SYNE2: variants seen among roughly 807,000 people sequenced by gnomAD.
SYNE2 encodes nesprin-2.
Under a neutral mutation model 856.3 loss-of-function variants are expected in SYNE2, and 431 were observed. The ratio of observed to expected loss-of-function variants is 0.50; its 90% confidence interval spans 0.47 to 0.55. The LOEUF is 0.55. Ranked by LOEUF, SYNE2 falls within the 20% of genes least tolerant of loss-of-function variation. The pLI is 0.00. For synonymous variants in SYNE2, 2,923 were observed against 2,872.3 expected, an observed-to-expected ratio of 1.02 and a Z score of -0.56; for missense variants, 8,129 against 8,023.2, an observed-to-expected ratio of 1.01 and a Z score of -0.50.
At chr14:64,207,316 T>C (rs749409553) in intron 100 of SYNE2, among the ~76,000 whole-genome samples, 1 of 152,208 alleles carries the variant, frequency 6.6e-6, no homozygotes, top group Non-Finnish European at 1.5e-5. Context: ...GGCTCACCCC[T>C]GTAATCCCAG....
chr14:64,167,314 G>A lies in SYNE2; in HGVS notation c.16687G>A (p.Val5563Ile), dbSNP rs756909587. 18 of 1,614,210 alleles carry A rather than the reference G, an allele frequency of 1.1e-5. No individual in the cohort carries two copies. The highest frequency in any genetic ancestry group is 1.4e-5 in the Non-Finnish European group (16 of 1,180,032). Residue 5563 changes from valine to isoleucine, a missense_variant, in exon 91 of 116, where the codon GTA (valine) becomes ATA (isoleucine). Physicochemically the swap from Val to Ile is conservative, Grantham distance 29. Coordinates refer to ENST00000555002, the MANE Select transcript of SYNE2 (RefSeq NM_182914.3). ...EVSLKLPLSD[V>I]AVKTLQNMNR... ...GAGCCTCAAGCTCCCACTTAGTGAC[G>A]TAGCTGTGAAGACGTTACAAAATAT...
chr14:63,765,167 A>T (rs1169769319), intron 1 of SYNE2, among the ~76,000 whole-genome samples: 2 of 152,118 alleles, frequency 1.3e-5, no homozygotes, highest in African/African-American at 4.8e-5. Flanking sequence ...ACCATGACTA[A>T]GCCCAGGGGT....
chr14:63,813,358 T>C (rs1195846183), intron 1 of SYNE2, among the ~76,000 whole-genome samples: 1 of 152,218 alleles, frequency 6.6e-6, no homozygotes, highest in Admixed American at 6.5e-5. Flanking sequence ...GCCCTGTTCA[T>C]TGTCTTTGAG....
chr14:63,886,261 C>G (rs2094982755), intron 1 of SYNE2, among the ~76,000 whole-genome samples: 1 of 152,142 alleles, frequency 6.6e-6, no homozygotes, highest in Non-Finnish European at 1.5e-5. Context: ...AGTGAGGACC[C>G]TAATGTACCA....
intron 2 of SYNE2, among the ~76,000 whole-genome samples, chr14:63,921,270 G>C (rs185507762): frequency 6.6e-6 from 1 of 152,098 alleles, no homozygotes; most frequent in African/African-American, 2.4e-5. Flanking sequence ...TGTTGAGTTC[G>C]AGATGTCTAT....
At chr14:64,140,173 G>A (rs1440714112) in intron 80 of SYNE2, 100 bp downstream of exon 80, 2 of 1,242,552 alleles carry the variant, frequency 1.6e-6, no homozygotes, top group Non-Finnish European at 2.3e-6. Context: ...TTTATTTGTG[G>A]ATAAGGGGTA....
rs900811348 is a variant in SYNE2 at position 63,986,394 on chromosome 14, A to G, written c.2152-62A>G. ...GGATTACAGGTGTAACTTTTTGAAA[A>G]GGAAAATTATTTTGTTATGTACATG... On this transcript the variant is annotated intron_variant, in intron 18 of 115. Coordinates refer to ENST00000555002, the MANE Select transcript of SYNE2 (RefSeq NM_182914.3). 5.7e-6 allele frequency: 9 copies of G among 1,586,550 alleles called. No homozygotes were observed. The African/African-American group carries it at 1.2e-4, about 21-fold the overall frequency.
intron 1 of SYNE2, among the ~76,000 whole-genome samples, chr14:63,794,173 A>C (rs1455583739): frequency 6.6e-6 from 1 of 152,178 alleles, no homozygotes; most frequent in Non-Finnish European, 1.5e-5. Context: ...CAATAACTGG[A>C]AACTTTATTT....
Position 64,134,219 on chromosome 14 carries a change from A to G in SYNE2, c.14646+19A>G, listed in dbSNP as rs776484762. 3.7e-6 allele frequency: 6 copies of G among 1,613,464 alleles called. No homozygotes were observed. The highest frequency in any genetic ancestry group is 5.1e-6 in the Non-Finnish European group (6 of 1,179,558). ...TTACCAGGTATTTGTCTTCCATTTA[A>G]GTTATCAAAGGCGTGTCCATAGCAC... is the stretch of plus-strand genomic sequence containing the variant. On this transcript the variant is annotated intron_variant, in intron 78 of 115. Coordinates refer to ENST00000555002, the MANE Select transcript of SYNE2 (RefSeq NM_182914.3).
At chr14:63,783,538 C>T (rs999272496) in intron 1 of SYNE2, among the ~76,000 whole-genome samples, 2 of 152,162 alleles carry the variant, frequency 1.3e-5, no homozygotes, top group African/African-American at 2.4e-5. Flanking sequence ...CCACGACGGT[C>T]TCGGAGACTT....
intron 87 of SYNE2, among the ~76,000 whole-genome samples, chr14:64,160,360 A>G (rs1354208707): frequency 2.0e-5 from 3 of 152,250 alleles, no homozygotes; most frequent in Non-Finnish European, 1.5e-5. Flanking sequence ...CATGCATAAC[A>G]AAAAGACTGA....
intron 1 of SYNE2, among the ~76,000 whole-genome samples, chr14:63,865,488 G>C (rs1320503496): frequency 6.6e-6 from 1 of 151,994 alleles, no homozygotes; most frequent in Non-Finnish European, 1.5e-5. Context: ...GAGTGGAGGA[G>C]AGTGATTCTC....
chr14:63,811,306 A>G (rs1888606112), intron 1 of SYNE2, among the ~76,000 whole-genome samples: 1 of 152,070 alleles, frequency 6.6e-6, no homozygotes, highest in Non-Finnish European at 1.5e-5. Context: ...CCCAGGCTGG[A>G]GTGCAGTGGT....
At chr14:63,977,818 AAG>A in intron 12 of SYNE2, 85 bp from the exon 13 acceptor site, 1 of 935,998 alleles carries the variant, frequency 1.1e-6, no homozygotes, top group Non-Finnish European at 1.7e-6. Context: ...TTTTTGAAAA[AAG>A]ATGTAATGCA....
At chr14:63,775,831 G>A (rs748984354) in intron 1 of SYNE2, among the ~76,000 whole-genome samples, 7 of 152,074 alleles carry the variant, frequency 4.6e-5, no homozygotes, top group African/African-American at 1.4e-4. Flanking sequence ...TATTTTAGGG[G>A]AGATATAGTA....
Position 64,126,493 on chromosome 14 carries a change from C to A in SYNE2, c.13707+14C>A. ...GTGCACTACGAGGTAGGGCACTTCT[C>A]ACGAGCCCATGTGTTGGCCATTACA... On this transcript the variant is annotated intron_variant, in intron 72 of 115. Transcript: ENST00000555002. The A allele has an allele frequency of 6.2e-7, 1 of 1,614,094 alleles. No homozygotes were observed. The highest frequency in any genetic ancestry group is 1.1e-5 in the South Asian group (1 of 91,074).
At chr14:63,772,865 C>T (rs996758410) in intron 1 of SYNE2, among the ~76,000 whole-genome samples, 9 of 151,868 alleles carry the variant, frequency 5.9e-5, no homozygotes, top group African/African-American at 1.7e-4. Flanking sequence ...GCAACCTCCA[C>T]CTCCCAGGTT....
intron 1 of SYNE2, among the ~76,000 whole-genome samples, chr14:63,864,624 A>G (rs1447853612): frequency 6.6e-6 from 1 of 152,238 alleles, no homozygotes; most frequent in Admixed American, 6.5e-5. Flanking sequence ...TAAATCTTAT[A>G]CACTTACTGT....
rs531920320 is a variant in SYNE2, at chr14:64,025,250, A to T, written c.6081A>T (p.Arg2027Ser). 2.5e-5 allele frequency: 41 copies of T among 1,613,998 alleles called. No homozygotes were observed. Among genetic ancestry groups the T allele is most frequent in the Non-Finnish European group, 3.4e-5 (40 of 1,180,000 alleles). Residue 2027 changes from arginine (R) to serine (S), a missense_variant, in exon 41 of 116, where the codon AGA (arginine) becomes AGT (serine). By Grantham distance (110) the Arg-to-Ser change is moderately radical (BLOSUM62 -1). Transcript: ENST00000555002. ...CLMDRYQTLL[R>S]QLSEIEEEDK... ...TGGATAGATACCAGACATTACTGAG[A>T]CAACTAAGTGAAATCGAGGAAGAGG...
Sources: allele counts gnomAD v4.1 joint callset (sites outside exome capture counted in the v4.1 genomes callset), GRCh38; gene constraint gnomAD v4.1.1; transcripts MANE v1.5; gene names NCBI Gene and HGNC (gene_info 2026-07-23, HGNC 2026-07-21).